KDM5A: variants seen among roughly 807,000 people sequenced by gnomAD.
KDM5A encodes lysine demethylase 5A.
A neutral mutation model predicts 193.5 loss-of-function variants in KDM5A; 42 were observed. That is an observed-to-expected ratio of 0.22 (90% CI 0.17 to 0.28). The LOEUF (loss-of-function observed/expected upper bound fraction) is 0.28. KDM5A is among the 10% of genes least tolerant of loss of function. KDM5A has a pLI of 1.00. For missense variants in KDM5A, 1,692 were observed against 2,055.1 expected (o/e 0.82, Z 3.42); for synonymous variants, 796 against 718.1 (o/e 1.11, Z -1.73).
At chr12:387,226 CAAAA>C (rs201508413) in intron 1 of KDM5A, 33 of 296,594 alleles carry the variant, frequency 1.1e-4, no homozygotes, top group East Asian at 4.5e-4. Flanking sequence ...GTTGAGTAGT[CAAAA>C]AAAAAAAAAA....
chr12:301,117 C>A (rs955771366), intron 24 of KDM5A, among the ~76,000 whole-genome samples: 5 of 152,190 alleles, frequency 3.3e-5, no homozygotes, highest in Non-Finnish European at 5.9e-5. Context: ...GATCTGGTAC[C>A]ATTCCTTCTG....
At chr12:384,907 C>A (rs1944621174) in intron 2 of KDM5A, among the ~76,000 whole-genome samples, 1 of 152,068 alleles carries the variant, frequency 6.6e-6, no homozygotes, top group Non-Finnish European at 1.5e-5. Flanking sequence ...ATATGCATTG[C>A]GGCCAGGCGC....
intron 9 of KDM5A, among the ~76,000 whole-genome samples, chr12:351,451 G>T (rs928590250): frequency 6.6e-6 from 1 of 152,052 alleles, no homozygotes; most frequent in Non-Finnish European, 1.5e-5. Context: ...TCTTCATCCA[G>T]TCTATCATTG....
intron 24 of KDM5A, among the ~76,000 whole-genome samples, chr12:306,743 C>CAAA (rs371480095): frequency 1.1e-5 from 1 of 93,006 alleles, no homozygotes; most frequent in African/African-American, 4.0e-5. Flanking sequence ...ACTCCATCTC[C>CAAA]AAAAAAAAAA....
At chr12:343,154 C>T (rs185412307) in intron 10 of KDM5A, among the ~76,000 whole-genome samples, 4 of 152,362 alleles carry the variant, frequency 2.6e-5, no homozygotes, top group African/African-American at 9.6e-5. Flanking sequence ...CCCACACCCA[C>T]AGAGCCTTGC....
At chr12:371,230 T>C (rs531486750) in intron 3 of KDM5A, among the ~76,000 whole-genome samples, 5 of 152,300 alleles carry the variant, frequency 3.3e-5, no homozygotes, top group South Asian at 2.1e-4. Flanking sequence ...ATAGTCCCAC[T>C]AACAGTGTAA....
Position 350,729 on chromosome 12 carries a change from G to C in KDM5A, c.1200C>G (p.Ser400Arg), listed in dbSNP as rs768309721. The change falls in exon 10 of 28, where the codon AGC becomes AGG. Residue 400 changes from serine (S) to arginine (R), a missense_variant. Transcript: ENST00000399788. The part of the protein sequence containing the change: ...VEKEFWRLVS[S>R]IEEDVIVEYG... ...ATTCCACAATAACATCTTCTTCAAT[G>C]CTGCTTACCAGCCGCCAAAATTCCT... 6.2e-7 allele frequency: 1 copy of C among 1,613,932 alleles called. No individual in the cohort carries two copies. The highest frequency in any genetic ancestry group is 1.7e-5 in the Admixed American group (1 of 60,004).
intron 20 of KDM5A, among the ~76,000 whole-genome samples, chr12:311,926 T>A (rs528485080): frequency 6.6e-6 from 1 of 152,142 alleles, no homozygotes; most frequent in Non-Finnish European, 1.5e-5. Flanking sequence ...CCCAGCTACT[T>A]GGGAAGCTGA....
intron 9 of KDM5A, among the ~76,000 whole-genome samples, chr12:351,140 TTTTC>T: frequency 6.6e-6 from 1 of 152,264 alleles, no homozygotes; most frequent in East Asian, 1.9e-4. Context: ...CAAAATTTCA[TTTTC>T]TTTTTGTTTT....
At chr12:351,262 G>A (rs914689452) in intron 9 of KDM5A, among the ~76,000 whole-genome samples, 6 of 151,908 alleles carry the variant, frequency 3.9e-5, no homozygotes, top group African/African-American at 1.5e-4. Flanking sequence ...TCCTGTGTCC[G>A]TGTGTTCTCA....
chr12:376,538 G>A (rs1591940105), intron 3 of KDM5A, among the ~76,000 whole-genome samples: 4 of 152,310 alleles, frequency 2.6e-5, no homozygotes, highest in African/African-American at 7.2e-5. Context: ...CAGGTGAGAC[G>A]ATGCCTCGCC....
intron 2 of KDM5A, among the ~76,000 whole-genome samples, chr12:384,698 T>C (rs1944618302): frequency 1.3e-5 from 2 of 152,346 alleles, no homozygotes; most frequent in African/African-American, 2.4e-5. Context: ...GTTGTCATAT[T>C]AGCAACCAAA....
intron 22 of KDM5A, among the ~76,000 whole-genome samples, chr12:309,427 A>G (rs1354434343): frequency 2.0e-5 from 3 of 152,210 alleles, no homozygotes; most frequent in Admixed American, 6.5e-5. Context: ...ACTCTTGTTT[A>G]TATCAGTCTG....
intron 2 of KDM5A, among the ~76,000 whole-genome samples, chr12:384,666 G>T (rs1370093520): frequency 2.0e-5 from 3 of 151,956 alleles, no homozygotes; most frequent in Admixed American, 2.0e-4. Context: ...AGGCAAAAAA[G>T]TTACTCTGAT....
intron 18 of KDM5A, among the ~76,000 whole-genome samples, chr12:320,149 G>A (rs1943698449): frequency 6.6e-6 from 1 of 152,180 alleles, no homozygotes; most frequent in Non-Finnish European, 1.5e-5. Flanking sequence ...TTATGAAATG[G>A]AGTAAGACAA....
intron 10 of KDM5A, among the ~76,000 whole-genome samples, chr12:346,463 A>G (rs1216035981): frequency 6.6e-6 from 1 of 152,190 alleles, no homozygotes; most frequent in East Asian, 1.9e-4. Flanking sequence ...ACAACAAAAA[A>G]AGAGAATTTT....
At chr12:316,905 T>C (rs981830985) in intron 19 of KDM5A, among the ~76,000 whole-genome samples, 16 of 152,210 alleles carry the variant, frequency 1.1e-4, no homozygotes, top group African/African-American at 2.9e-4. Flanking sequence ...CACAGAGGTA[T>C]TGAAATGAAG....
chr12:349,921 G>C (rs537537942), intron 10 of KDM5A, among the ~76,000 whole-genome samples: 32 of 151,734 alleles, frequency 2.1e-4, no homozygotes, highest in African/African-American at 7.7e-4. Flanking sequence ...CTGAGGTCGG[G>C]AGTTCGAGAC....
intron 27 of KDM5A, among the ~76,000 whole-genome samples, chr12:289,907 C>CTTTTTTTTTTTT (rs750918968): frequency 1.0e-5 from 1 of 99,658 alleles, no homozygotes; most frequent in African/African-American, 4.3e-5. Flanking sequence ...TTCTTTCTTT[C>CTTTTTTTTTTTT]TTTTTTTTTT....
Sources: gnomAD v4.1 joint callset for allele counts (sites outside exome capture counted in the v4.1 genomes callset) on GRCh38, gnomAD v4.1.1 for gene constraint, MANE v1.5 for transcripts, NCBI Gene and HGNC (gene_info 2026-07-23, HGNC 2026-07-21) for gene names.